RBM6: variants seen among roughly 807,000 people sequenced by gnomAD.
RBM6 encodes the protein RNA-binding protein 6.
RBM6 carries 23 observed loss-of-function variants against 140.4 expected under a neutral mutation model. The ratio of observed to expected loss-of-function variants is 0.16; its 90% CI spans 0.12 to 0.23. The LOEUF is 0.23. Among genes scored for constraint, RBM6 ranks in the 10% least tolerant of loss-of-function variants. The pLI, the probability that RBM6 is intolerant of heterozygous loss-of-function variation, is 1.00. For missense variants in RBM6, 1,139 were observed against 1,386.7 expected, an observed-to-expected ratio of 0.82 and a Z score of 2.84; for synonymous variants, 439 against 475.6, an observed-to-expected ratio of 0.92 and a Z score of 1.00.
chr3:49,962,498 T>A (rs1244040288), intron 1 of RBM6, 78 bp from the exon 2 acceptor site: 1 of 702,948 alleles, frequency 1.4e-6, no homozygotes, highest in African/African-American at 1.9e-5. Flanking sequence ...TGGTCCCTCA[T>A]AAACCAAGCA....
At position 49,983,474 on chromosome 3, in the gene RBM6, T is replaced by C. The variant is rs1000198175; in HGVS notation, c.1483+8082T>C. ...CAAAAAAAGGAAAAAAAAAAGTGCA[T>C]AGTTTATGGTATCCCAACTGGAGGA... is the stretch of plus-strand genomic sequence containing the variant. On this transcript the variant is annotated intron_variant, in intron 5 of 20. Coordinates refer to ENST00000266022, the MANE Select transcript of RBM6 (RefSeq NM_005777.3). 3.3e-5 allele frequency among the ~76,000 whole-genome samples: 5 copies of C among 151,940 alleles called. No homozygotes were observed. The South Asian group carries it at 1.0e-3, about 31-fold the overall frequency.
chr3:49,950,086 C>A (rs910288845), intron 1 of RBM6, among the ~76,000 whole-genome samples: 1 of 152,082 alleles, frequency 6.6e-6, no homozygotes, highest in African/African-American at 2.4e-5. Context: ...GCCACTAATT[C>A]CAGTTCTTGA....
chr3:50,040,699 C>G (rs2088866917), intron 6 of RBM6, among the ~76,000 whole-genome samples: 1 of 150,952 alleles, frequency 6.6e-6, no homozygotes, highest in Non-Finnish European at 1.5e-5. Flanking sequence ...CTTTGTCACC[C>G]AGGCTGGAAT....
intron 5 of RBM6, among the ~76,000 whole-genome samples, chr3:49,980,414 AGAAG>A (rs886081080): frequency 2.6e-5 from 4 of 152,098 alleles, no homozygotes; most frequent in Admixed American, 2.6e-4. Flanking sequence ...CTATAAATGG[AGAAG>A]GAAGGAAGAG....
intron 17 of RBM6, among the ~76,000 whole-genome samples, chr3:50,068,260 C>T (rs528636174): frequency 7.9e-5 from 12 of 152,162 alleles, no homozygotes; most frequent in Non-Finnish European, 1.3e-4. Context: ...TAGAGCCATG[C>T]GTGAGGAATT....
intron 5 of RBM6, among the ~76,000 whole-genome samples, chr3:49,976,939 C>T (rs2085088939): frequency 5.9e-5 from 9 of 152,128 alleles, no homozygotes; most frequent in Admixed American, 5.9e-4. Flanking sequence ...TCTTGGCATT[C>T]TGTTAAGTTG....
chr3:50,068,614 A>G, intron 17 of RBM6, 76 bp from the exon 18 acceptor site: 1 of 1,353,860 alleles, frequency 7.4e-7, no homozygotes, highest in South Asian at 1.2e-5. Flanking sequence ...AAAAGCAACT[A>G]TTGGGAAAGG....
At chr3:49,955,860 CTGTGTGTGTG>C (rs146300035) in intron 1 of RBM6, among the ~76,000 whole-genome samples, 35 of 145,582 alleles carry the variant, frequency 2.4e-4, no homozygotes, top group African/African-American at 8.4e-4. Flanking sequence ...CTCTCTCTCT[CTGTGTGTGTG>C]TGTGTGTGTG....
At chr3:49,957,908 T>C (rs2084074601) in intron 1 of RBM6, among the ~76,000 whole-genome samples, 1 of 151,652 alleles carries the variant, frequency 6.6e-6, no homozygotes. Context: ...CTCAGCTGAC[T>C]GTAACCTCTG....
At chr3:49,946,312 C>G in intron 1 of RBM6, among the ~76,000 whole-genome samples, 1 of 151,928 alleles carries the variant, frequency 6.6e-6, no homozygotes, top group South Asian at 2.1e-4. Context: ...ACAATCTTGG[C>G]TCACTGCAAC....
At position 49,966,757 on chromosome 3, in the gene RBM6, A is replaced by G. The variant is rs2084533685; in HGVS notation, c.45-713A>G. Among the ~76,000 whole-genome samples, 4 of 151,754 alleles carry G rather than the reference A, an allele frequency of 2.6e-5. No homozygotes were observed. In the South Asian group the frequency reaches 8.3e-4, roughly 32 times the overall value. On this transcript the variant is annotated intron_variant, in intron 2 of 20. Transcript: ENST00000266022. ...TTATACATGCTTTGTGGCATGATTCATACTACCTTCTACCTTCTGTGATAC... is the reference window on the plus strand; with the variant it reads ...TTATACATGCTTTGTGGCATGATTCGTACTACCTTCTACCTTCTGTGATAC...
chr3:50,075,049 G>A (rs891932301), intron 19 of RBM6, 152 bp from the exon 20 acceptor site: 25 of 847,286 alleles, frequency 3.0e-5, no homozygotes, highest in South Asian at 2.3e-4. Context: ...CCAGCTAATC[G>A]GGAGGCTGAG....
At chr3:49,973,818 T>TC (rs1474584957) in intron 4 of RBM6, among the ~76,000 whole-genome samples, 1 of 152,054 alleles carries the variant, frequency 6.6e-6, no homozygotes, top group Non-Finnish European at 1.5e-5. Context: ...ACTCCTGACC[T>TC]CAAGTGATCC....
chr3:50,015,299 G>A (rs1317200601), intron 6 of RBM6, among the ~76,000 whole-genome samples: 1 of 149,898 alleles, frequency 6.7e-6, no homozygotes, highest in Non-Finnish European at 1.5e-5. Context: ...GCAGAGGCGG[G>A]GTTTCACCAT....
intron 6 of RBM6, among the ~76,000 whole-genome samples, chr3:50,008,038 G>C (rs1419448054): frequency 6.6e-6 from 1 of 152,166 alleles, no homozygotes; most frequent in Non-Finnish European, 1.5e-5. Flanking sequence ...CAAGGTTGCA[G>C]TGAGCTGTGA....
chr3:50,057,469 T>G (rs1013150089), intron 8 of RBM6, among the ~76,000 whole-genome samples: 2 of 150,538 alleles, frequency 1.3e-5, no homozygotes, highest in African/African-American at 4.9e-5. Flanking sequence ...GCACCTGTGA[T>G]CCCAGCTACT....
intron 1 of RBM6, among the ~76,000 whole-genome samples, chr3:49,950,167 A>T (rs927992800): frequency 7.3e-5 from 11 of 151,592 alleles, no homozygotes; most frequent in African/African-American, 2.2e-4. Flanking sequence ...GGTCAGAGTA[A>T]CCCTTGCTTC....
chr3:50,040,471 A>AT (rs1189530799), intron 6 of RBM6, among the ~76,000 whole-genome samples: 11 of 33,536 alleles, frequency 3.3e-4, no homozygotes, highest in Non-Finnish European at 5.7e-4. Context: ...AAAAAAAAAA[A>AT]ATATATATAT....
intron 6 of RBM6, among the ~76,000 whole-genome samples, chr3:50,009,701 GT>G (rs11294686): frequency 0.22 from 33,089 of 151,554 alleles, 3,902 homozygotes; most frequent in Middle Eastern, 0.26. Flanking sequence ...GGGACTACAG[GT>G]GTGCGCCACC....
Sources: allele counts gnomAD v4.1 joint callset (sites outside exome capture counted in the v4.1 genomes callset), GRCh38; gene constraint gnomAD v4.1.1; transcripts MANE v1.5; gene names NCBI Gene and HGNC (gene_info 2026-07-23, HGNC 2026-07-21).